PIGK: variants seen among roughly 807,000 people sequenced by gnomAD.
PIGK encodes GPI-anchor transamidase.
A neutral mutation model predicts 50.6 loss-of-function variants in PIGK; 42 were observed. That is an observed-to-expected ratio of 0.83 (90% CI 0.65 to 1.07). PIGK has a LOEUF of 1.07. Among genes scored for constraint, PIGK ranks in the 50% least tolerant of loss-of-function variants. The pLI, the probability that PIGK is intolerant of heterozygous loss-of-function variation, is 0.00. For missense variants in PIGK, 448 were observed against 488.7 expected (o/e 0.92, Z 0.78); for synonymous variants, 151 against 156.0 (o/e 0.97, Z 0.24).
chr1:77,129,120 C>T (rs1654298586), intron 9 of PIGK: 3 of 1,054,298 alleles, frequency 2.8e-6, no homozygotes, highest in Non-Finnish European at 4.5e-6. Flanking sequence ...GAAAATGGTT[C>T]GCTACTCACT....
chr1:77,160,135 T>A (rs1030799862), intron 8 of PIGK, among the ~76,000 whole-genome samples: 1 of 152,114 alleles, frequency 6.6e-6, no homozygotes, highest in Non-Finnish European at 1.5e-5. Flanking sequence ...TCTCATGAGA[T>A]CTGATGGTTG....
chr1:77,148,962 A>G (rs1412028911), intron 9 of PIGK, among the ~76,000 whole-genome samples: 1 of 151,886 alleles, frequency 6.6e-6, no homozygotes, highest in Non-Finnish European at 1.5e-5. Flanking sequence ...TGATCTGCCC[A>G]CCTTGGCCTC....
intron 9 of PIGK, among the ~76,000 whole-genome samples, chr1:77,124,938 T>C (rs1286375926): frequency 1.3e-5 from 2 of 152,208 alleles, no homozygotes; most frequent in African/African-American, 4.8e-5. Flanking sequence ...CAGTGACCAC[T>C]TGTGCAGTTT....
intron 9 of PIGK, among the ~76,000 whole-genome samples, chr1:77,139,642 G>A (rs748052467): frequency 6.6e-6 from 1 of 152,178 alleles, no homozygotes; most frequent in African/African-American, 2.4e-5. Flanking sequence ...CACTGAATGA[G>A]GGGGTGCCAC....
intron 10 of PIGK, among the ~76,000 whole-genome samples, chr1:77,099,034 T>C (rs77477408): frequency 6.6e-6 from 1 of 152,118 alleles, no homozygotes; most frequent in African/African-American, 2.4e-5. Context: ...ACTTCTAGGA[T>C]CTATATTAAG....
chr1:77,173,876 C>A (rs1384919645), intron 3 of PIGK, among the ~76,000 whole-genome samples: 1 of 152,216 alleles, frequency 6.6e-6, no homozygotes, highest in African/African-American at 2.4e-5. Context: ...GGGAGCTTAA[C>A]TGTGTAATCA....
At chr1:77,164,228 G>C (rs1051113633) in intron 5 of PIGK, among the ~76,000 whole-genome samples, 7 of 152,076 alleles carry the variant, frequency 4.6e-5, no homozygotes, top group Admixed American at 4.6e-4. Context: ...TATCAGAAAT[G>C]AGTTTCCATT....
intron 10 of PIGK, among the ~76,000 whole-genome samples, chr1:77,096,881 C>CTTTTTTTTTTTTTT (rs141858558): frequency 2.0e-4 from 25 of 124,276 alleles, no homozygotes; most frequent in Non-Finnish European, 2.7e-4. Context: ...TCGGGTTTTT[C>CTTTTTTTTTTTTTT]TTTTTTTTTT....
intron 10 of PIGK, among the ~76,000 whole-genome samples, chr1:77,096,565 C>A (rs977343077): frequency 4.6e-5 from 7 of 152,126 alleles, no homozygotes; most frequent in Non-Finnish European, 7.3e-5. Flanking sequence ...AGCTTCCCTC[C>A]AGCTAATAAC....
chr1:77,113,918 C>A (rs1327939371), intron 10 of PIGK, among the ~76,000 whole-genome samples: 1 of 152,058 alleles, frequency 6.6e-6, no homozygotes. Flanking sequence ...ATGTCTTAAA[C>A]CCTCTTTGGG....
chr1:77,192,091 C>T (rs1490224007), intron 3 of PIGK, among the ~76,000 whole-genome samples: 5 of 151,752 alleles, frequency 3.3e-5, no homozygotes, highest in South Asian at 2.1e-4. Flanking sequence ...GCCGAGACCG[C>T]GCCACTGCAT....
At chr1:77,188,028 C>T (rs144095994) in intron 3 of PIGK, among the ~76,000 whole-genome samples, 5,704 of 152,140 alleles carry the variant, frequency 0.037, 208 homozygotes, top group South Asian at 0.21. Flanking sequence ...TCCTGTCAGC[C>T]GAGGAAGATG....
intron 5 of PIGK, among the ~76,000 whole-genome samples, chr1:77,164,144 A>C (rs1231338229): frequency 6.6e-6 from 1 of 152,210 alleles, no homozygotes; most frequent in African/African-American, 2.4e-5. Flanking sequence ...TAGCAGATAT[A>C]ATATCTTTAA....
chr1:77,214,837 T>C (rs1176808901), intron 1 of PIGK, among the ~76,000 whole-genome samples: 4 of 152,108 alleles, frequency 2.6e-5, no homozygotes, highest in Non-Finnish European at 5.9e-5. Flanking sequence ...CAAAAATCAA[T>C]GGCGTTTCTA....
intron 9 of PIGK, among the ~76,000 whole-genome samples, chr1:77,126,859 T>C (rs1654244310): frequency 6.6e-6 from 1 of 152,156 alleles, no homozygotes; most frequent in South Asian, 2.1e-4. Flanking sequence ...AGTGTTCCTT[T>C]TACTTAACAT....
chr1:77,120,332 C>T (rs1302058858), intron 10 of PIGK, among the ~76,000 whole-genome samples: 2 of 152,146 alleles, frequency 1.3e-5, no homozygotes, highest in Non-Finnish European at 2.9e-5. Context: ...GATAGTCCCA[C>T]CTCAGCCTCC....
At chr1:77,118,636 T>C (rs577014940) in intron 10 of PIGK, among the ~76,000 whole-genome samples, 2 of 152,360 alleles carry the variant, frequency 1.3e-5, no homozygotes, top group African/African-American at 4.8e-5. Flanking sequence ...TTTAATCCTA[T>C]TGGAATGTAC....
intron 8 of PIGK, 51 bp downstream of exon 8, chr1:77,161,244 C>T (rs1007841096): frequency 1.1e-6 from 1 of 874,154 alleles, no homozygotes; most frequent in Non-Finnish European, 2.0e-6. Flanking sequence ...CTTCTTTTCA[C>T]ATTAAGGTTA....
At chr1:77,188,987 A>G (rs2100574220) in intron 3 of PIGK, among the ~76,000 whole-genome samples, 1 of 152,354 alleles carries the variant, frequency 6.6e-6, no homozygotes, top group African/African-American at 2.4e-5. Context: ...CAGAAACAGG[A>G]ACTGTAATTG....
Sources: allele counts gnomAD v4.1 joint callset (sites outside exome capture counted in the v4.1 genomes callset), GRCh38; gene constraint gnomAD v4.1.1; transcripts MANE v1.5; gene names NCBI Gene and HGNC (gene_info 2026-07-23, HGNC 2026-07-21).